The following TTLL1 variants were observed in gnomAD, a reference collection of about 807,000 sequenced individuals.
The protein encoded by TTLL1 is TTL family tubulin polyglutamylase complex subunit L1.
Under a neutral mutation model 47.8 loss-of-function variants are expected in TTLL1, and 33 were observed. The observed-to-expected ratio is 0.69, with a 90% CI of 0.52 to 0.92. The LOEUF is 0.92. TTLL1 is among the 40% of genes least tolerant of loss of function. The probability of loss-of-function intolerance (pLI) is 0.00; values close to 1 mark genes in which losing one functional copy is unlikely to be tolerated. For synonymous variants in TTLL1, 225 were observed against 214.1 expected, an observed-to-expected ratio of 1.05 and a Z score of -0.45; for missense variants, 488 against 547.5, an observed-to-expected ratio of 0.89 and a Z score of 1.08.
chr22:43,054,723 C>CTT (rs60472260), intron 8 of TTLL1, among the ~76,000 whole-genome samples: 2,758 of 95,752 alleles, frequency 0.029, 284 homozygotes, highest in East Asian at 0.25. Context: ...TGCACCTGGC[C>CTT]TTTTTTTTTT....
At chr22:43,071,118 T>A (rs1250881100) in intron 3 of TTLL1, among the ~76,000 whole-genome samples, 1 of 152,098 alleles carries the variant, frequency 6.6e-6, no homozygotes, top group African/African-American at 2.4e-5. Flanking sequence ...GGATTTGCCA[T>A]GTTGCCCAGG....
intron 7 of TTLL1, among the ~76,000 whole-genome samples, chr22:43,061,649 CT>C (rs943377705): frequency 3.9e-5 from 6 of 152,162 alleles, no homozygotes; most frequent in African/African-American, 1.4e-4. Flanking sequence ...ATTAGAGCCC[CT>C]AACCTGAACT....
intron 9 of TTLL1, among the ~76,000 whole-genome samples, chr22:43,049,859 C>T (rs969234253): frequency 4.6e-5 from 7 of 151,528 alleles, no homozygotes; most frequent in African/African-American, 1.5e-4. Flanking sequence ...TTTGGGAGGC[C>T]GAGGCAGGCA....
intron 7 of TTLL1, among the ~76,000 whole-genome samples, chr22:43,059,956 T>G (rs958614367): frequency 6.6e-6 from 1 of 152,064 alleles, no homozygotes; most frequent in Admixed American, 6.5e-5. Context: ...TCCCAAAGTG[T>G]TGGGATTACA....
rs998466530 is a variant in TTLL1 at position 43,069,772 on chromosome 22, G to A, written c.186C>T (p.Val62=). 1.2e-6 allele frequency: 2 copies of A among 1,614,158 alleles called. No individual in the cohort carries two copies. The highest frequency in any genetic ancestry group is 2.2e-5 in the South Asian group (2 of 91,078). The stretch of plus-strand genomic sequence containing the variant: ...GTTCATAGTGGTTTGGAAAATGGTT[G>A]ACTATTTGGTCATCTGAGAGCCGAT... ...AGYRLSDDQI[V]NHFPNHYELT... The change falls in exon 4 of 11, where the codon GTC becomes GTT. Residue 62 remains valine (V), a synonymous_variant. Transcript: ENST00000266254.
chr22:43,069,501 T>C, intron 4 of TTLL1, 135 bp downstream of exon 4: 1 of 1,459,820 alleles, frequency 6.9e-7, no homozygotes, highest in Non-Finnish European at 9.1e-7. Flanking sequence ...ACACCTGAAA[T>C]GAAACAGGTG....
At position 43,051,874 on chromosome 22, in the gene TTLL1, T is replaced by C. The variant is rs769311363; in HGVS notation, c.905A>G (p.Asn302Ser). ...SLKAVAPVMN[N>S]DKHCFECYGY... ...ATAGCATTCAAAGCAGTGCTTGTCA[T>C]TGTTCATCACCGGCTGGAGAGAGAG... Residue 302 changes from asparagine (N) to serine (S), a missense_variant, in exon 9 of 11, where the codon AAT becomes AGT. Coordinates refer to ENST00000266254, the MANE Select transcript of TTLL1 (RefSeq NM_012263.5). 1.9e-6 allele frequency: 3 copies of C among 1,613,822 alleles called. No individual in the cohort carries two copies. The highest frequency in any genetic ancestry group is 4.5e-5 in the East Asian group (2 of 44,866).
chr22:43,046,611 C>T, intron 9 of TTLL1, 38 bp from the exon 10 acceptor site: 2 of 1,602,382 alleles, frequency 1.2e-6, no homozygotes, highest in Non-Finnish European at 1.7e-6. Flanking sequence ...ACCTGTGTCT[C>T]TCGCTCTTTT....
At chr22:43,055,186 G>T (rs1249699782) in intron 8 of TTLL1, among the ~76,000 whole-genome samples, 1 of 151,416 alleles carries the variant, frequency 6.6e-6, no homozygotes, top group Non-Finnish European at 1.5e-5. Context: ...ATCACGCCTG[G>T]CTAATTTTTG....
chr22:43,072,192 C>T (rs377601698), intron 3 of TTLL1, among the ~76,000 whole-genome samples: 1 of 139,832 alleles, frequency 7.2e-6, no homozygotes, highest in Admixed American at 7.7e-5. Flanking sequence ...CTTGCTCTGT[C>T]GCCCAGGCTG....
At chr22:43,074,427 C>CAAAAAA (rs61701643) in intron 3 of TTLL1, among the ~76,000 whole-genome samples, 3 of 85,722 alleles carry the variant, frequency 3.5e-5, no homozygotes, top group African/African-American at 7.5e-5. Flanking sequence ...AATTTCGTCT[C>CAAAAAA]AAAAAAAAAA....
chr22:43,066,308 T>A (rs1927732417), intron 5 of TTLL1, among the ~76,000 whole-genome samples: 1 of 151,624 alleles, frequency 6.6e-6, no homozygotes, highest in South Asian at 2.1e-4. Flanking sequence ...GTGGGGTGTA[T>A]CCATGGAGGA....
intron 1 of TTLL1, among the ~76,000 whole-genome samples, chr22:43,086,999 C>A (rs1929266808): frequency 6.6e-6 from 1 of 152,216 alleles, no homozygotes; most frequent in Non-Finnish European, 1.5e-5. Context: ...CCTTGTCTCT[C>A]ACCAACCCTC....
At chr22:43,065,403 C>T (rs1601682923) in intron 5 of TTLL1, among the ~76,000 whole-genome samples, 1 of 151,840 alleles carries the variant, frequency 6.6e-6, no homozygotes, top group African/African-American at 2.4e-5. Context: ...GATTCTCCTG[C>T]CTCAGCCTCC....
rs1468302512 is a variant in TTLL1, at chr22:43,051,811, C to A, written c.968G>T (p.Trp323Leu). 1 of 1,613,926 alleles carries A rather than the reference C, an allele frequency of 6.2e-7. No homozygotes were observed. The highest frequency in any genetic ancestry group is 8.5e-7 in the Non-Finnish European group (1 of 1,180,016). ...DIIIDDKLKP[W>L]LIEVNASPSL... is the part of the protein sequence containing the mutation. ...TGCTCCCGCAGTTACCTCGATCAGC[C>A]AGGGCTTCAGCTTGTCGTCGATGAT... is the stretch of plus-strand genomic sequence containing the variant. Residue 323 changes from tryptophan (W) to leucine (L), a missense_variant, in exon 9 of 11, where the codon TGG becomes TTG. Transcript: ENST00000266254.
intron 5 of TTLL1, among the ~76,000 whole-genome samples, chr22:43,066,269 G>A (rs1218089128): frequency 1.3e-5 from 2 of 152,066 alleles, no homozygotes; most frequent in Non-Finnish European, 2.9e-5. Context: ...CTCACTGTGA[G>A]GGGCTGGGTC....
Position 43,046,568 on chromosome 22 carries a change from A to G in TTLL1, c.984T>C (p.Asn328=), listed in dbSNP as rs1926152426. Residue 328 remains asparagine, a synonymous_variant, in exon 10 of 11, where the codon AAT becomes AAC. Transcript: ENST00000266254. The part of the protein sequence containing the change: ...DKLKPWLIEV[N]ASPSLTSSTA... ...TGCTGGACGTGAGAGACGGGGACGC[A>G]TTCACCTGTGAGATGAAAGACCCAT... 6.2e-7 allele frequency: 1 copy of G among 1,613,946 alleles called. No homozygotes were observed. Among genetic ancestry groups the G allele is most frequent in the Non-Finnish European group, 8.5e-7 (1 of 1,179,858 alleles).
chr22:43,082,706 ACT>A (rs35857845), intron 1 of TTLL1, among the ~76,000 whole-genome samples: 57,061 of 148,940 alleles, frequency 0.38, 12,380 homozygotes, highest in Non-Finnish European at 0.47. Flanking sequence ...ACAGGATGAG[ACT>A]CTGTATCAAA....
rs572286788 is a variant in TTLL1 at position 43,076,159 on chromosome 22, G to A, written c.-4-569C>T. Among the ~76,000 whole-genome samples, 8 of 152,280 alleles carry A rather than the reference G, an allele frequency of 5.3e-5. 1 individual carries two copies. The highest frequency in any genetic ancestry group is 1.2e-4 in the African/African-American group (5 of 41,570). ...CACCCTCTGTAACTGCAGAGTGACC[G>A]TAAGTGTTTATCTGGACTGGGCGTG... On this transcript the variant is annotated intron_variant, in intron 2 of 10. Transcript: ENST00000266254.
Sources: allele counts gnomAD v4.1 joint callset (sites outside exome capture counted in the v4.1 genomes callset), GRCh38; gene constraint gnomAD v4.1.1; transcripts MANE v1.5; gene names NCBI Gene and HGNC (gene_info 2026-07-23, HGNC 2026-07-21).